Variants in THRB observed in about 807,000 individuals in gnomAD.
THRB encodes thyroid hormone receptor beta, also known as nuclear receptor subfamily 1 group A member 2.
A neutral mutation model predicts 47.8 loss-of-function variants in THRB; 12 were observed. The ratio of observed to expected loss-of-function variants is 0.25; its 90% confidence interval spans 0.16 to 0.41. The LOEUF (loss-of-function observed/expected upper bound fraction) is 0.41. Ranked by LOEUF, THRB falls within the 10% of genes least tolerant of loss-of-function variation. The probability of loss-of-function intolerance (pLI) is 1.00; values close to 1 mark genes in which losing one functional copy is unlikely to be tolerated. For missense variants in THRB, 348 were observed against 589.2 expected (o/e 0.59, Z 4.24); for synonymous variants, 218 against 212.2 (o/e 1.03, Z -0.24).
chr3:24,272,534 T>C (rs1004523207), intron 3 of THRB, among the ~76,000 whole-genome samples: 2 of 152,194 alleles, frequency 1.3e-5, no homozygotes, highest in African/African-American at 2.4e-5. Flanking sequence ...CACTCACATG[T>C]TCCCCTCACT....
intron 3 of THRB, among the ~76,000 whole-genome samples, chr3:24,234,098 A>G (rs1002794664): frequency 2.0e-5 from 3 of 152,174 alleles, no homozygotes; most frequent in East Asian, 1.9e-4. Flanking sequence ...CACTCCTTCA[A>G]ATTCTCCTTT....
chr3:24,192,642 T>G (rs1239968548), intron 4 of THRB, among the ~76,000 whole-genome samples: 1 of 152,130 alleles, frequency 6.6e-6, no homozygotes, highest in African/African-American at 2.4e-5. Flanking sequence ...CAAGAGGACA[T>G]TGCCCCTTAA....
At chr3:24,469,243 C>G (rs754849711) in intron 1 of THRB, among the ~76,000 whole-genome samples, 1 of 152,194 alleles carries the variant, frequency 6.6e-6, no homozygotes, top group African/African-American at 2.4e-5. Flanking sequence ...ACTCCAGAAC[C>G]AGCTGGATCC....
At chr3:24,143,263 T>C (rs1177649424) in intron 8 of THRB, among the ~76,000 whole-genome samples, 3 of 152,176 alleles carry the variant, frequency 2.0e-5, no homozygotes, top group Non-Finnish European at 4.4e-5. Context: ...TAATGTGGCC[T>C]AAGAAACTGT....
At chr3:24,437,072 C>CAT (rs1336916924) in intron 1 of THRB, among the ~76,000 whole-genome samples, 5 of 148,372 alleles carry the variant, frequency 3.4e-5, no homozygotes, top group South Asian at 4.3e-4. Context: ...ATATATATAT[C>CAT]ATATATATAT....
At chr3:24,156,516 A>C (rs1426893022) in intron 5 of THRB, among the ~76,000 whole-genome samples, 2 of 152,226 alleles carry the variant, frequency 1.3e-5, no homozygotes, top group African/African-American at 2.4e-5. Context: ...CAAACTGGCA[A>C]ATCTTATCAT....
At chr3:24,312,276 G>A (rs114647217) in intron 2 of THRB, among the ~76,000 whole-genome samples, 4 of 152,218 alleles carry the variant, frequency 2.6e-5, no homozygotes, top group Non-Finnish European at 4.4e-5. Flanking sequence ...TAATTGTCTG[G>A]GTCCCCAGTA....
intron 1 of THRB, among the ~76,000 whole-genome samples, chr3:24,433,206 T>C (rs1032962477): frequency 1.3e-5 from 2 of 152,090 alleles, no homozygotes; most frequent in Non-Finnish European, 2.9e-5. Flanking sequence ...ACCTCCCAAA[T>C]CTGTTCAAGT....
intron 3 of THRB, among the ~76,000 whole-genome samples, chr3:24,286,624 A>G (rs142230094): frequency 5.8e-4 from 88 of 152,300 alleles, no homozygotes; most frequent in African/African-American, 2.0e-3. Context: ...TAGGCTGAGG[A>G]CACTCAATTC....
At chr3:24,144,028 A>G (rs72619920) in intron 7 of THRB, 5,260 of 387,198 alleles carry the variant, frequency 0.014, 141 homozygotes, top group African/African-American at 0.05. Flanking sequence ...TAAAATCCAT[A>G]CTACCCACAA....
chr3:24,195,051 T>C (rs558309335), intron 4 of THRB, among the ~76,000 whole-genome samples: 4 of 152,334 alleles, frequency 2.6e-5, no homozygotes, highest in Admixed American at 6.5e-5. Context: ...AGAATTATCA[T>C]TGTGTAGCAT....
intron 1 of THRB, among the ~76,000 whole-genome samples, chr3:24,421,815 A>G (rs905886262): frequency 6.6e-6 from 1 of 151,924 alleles, no homozygotes; most frequent in Non-Finnish European, 1.5e-5. Context: ...TTGTTTTCTA[A>G]TATATTTGCA....
chr3:24,139,008 G>A (rs2035073503), intron 8 of THRB, among the ~76,000 whole-genome samples: 1 of 152,196 alleles, frequency 6.6e-6, no homozygotes, highest in Non-Finnish European at 1.5e-5. Context: ...GCTACTGGAG[G>A]TCTAGAAGCG....
intron 3 of THRB, among the ~76,000 whole-genome samples, chr3:24,264,590 T>C (rs1379342918): frequency 2.5e-4 from 1 of 3,940 alleles, no homozygotes; most frequent in Non-Finnish European, 6.0e-4. Flanking sequence ...TCATATATTA[T>C]CTCATTTAGT....
intron 1 of THRB, among the ~76,000 whole-genome samples, chr3:24,422,661 C>T (rs536317455): frequency 6.6e-6 from 1 of 151,962 alleles, no homozygotes; most frequent in South Asian, 2.1e-4. Flanking sequence ...AGATTCTTCA[C>T]CTCCCTGGCC....
intron 2 of THRB, among the ~76,000 whole-genome samples, chr3:24,321,788 C>T (rs1434637950): frequency 6.6e-6 from 1 of 152,142 alleles, no homozygotes; most frequent in Non-Finnish European, 1.5e-5. Context: ...CTAGGCACTT[C>T]ATACTTGCCT....
intron 10 of THRB, among the ~76,000 whole-genome samples, chr3:24,124,523 C>T (rs147361249): frequency 3.9e-5 from 6 of 152,230 alleles, no homozygotes; most frequent in Admixed American, 1.3e-4. Context: ...GAGATGGCCA[C>T]GTAAATGACA....
At chr3:24,464,512 A>G (rs1041247149) in intron 1 of THRB, among the ~76,000 whole-genome samples, 16 of 152,242 alleles carry the variant, frequency 1.1e-4, no homozygotes, top group Non-Finnish European at 8.8e-5. Context: ...TTGAGTTACT[A>G]TTTTTAGGTC....
At position 24,118,342 on chromosome 3, in the gene THRB, A is replaced by T. The variant is rs1355772553; in HGVS notation, c.*4542T>A. The T allele has an allele frequency of 6.6e-6, 1 of 152,470 alleles. No individual in the cohort carries two copies. The highest frequency in any genetic ancestry group is 2.4e-5 in the African/African-American group (1 of 41,394). The allele number at this position is 152,470 out of a possible 1,614,324, so 9.4% of individuals were successfully genotyped here. A position where few individuals can be genotyped will look rare whatever the true frequency, so the allele number is the denominator to read the frequency against. Reference sequence around the variant, plus strand: ...AAATCCATTTTTCCCAAATATACAAATTTTTTTTGGATAGTTTAAAACATT... The same window carrying T: ...AAATCCATTTTTCCCAAATATACAATTTTTTTTTGGATAGTTTAAAACATT... On this transcript the variant is annotated 3_prime_UTR_variant, in exon 11 of 11. Transcript: ENST00000646209.
Sources: allele counts gnomAD v4.1 joint callset (sites outside exome capture counted in the v4.1 genomes callset), GRCh38; gene constraint gnomAD v4.1.1; transcripts MANE v1.5; gene names NCBI Gene and HGNC (gene_info 2026-07-23, HGNC 2026-07-21).